The following DMD variants were observed in gnomAD, a reference collection of about 807,000 sequenced individuals.
The protein encoded by DMD is mutant dystrophin.
A neutral mutation model predicts 330.1 loss-of-function variants in DMD; 63 were observed. The ratio of observed to expected loss-of-function variants is 0.19; its 90% confidence interval spans 0.16 to 0.24. The LOEUF is 0.24. Among genes scored for constraint, DMD ranks in the 10% least tolerant of loss-of-function variants. The pLI, the probability that DMD is intolerant of heterozygous loss-of-function variation, is 1.00. For missense variants in DMD, 3,344 were observed against 2,684.1 expected, an observed-to-expected ratio of 1.25 and a Z score of -5.43; for synonymous variants, 1,223 against 959.8, an observed-to-expected ratio of 1.27 and a Z score of -5.07.
At chrX:32,733,250 C>G (rs1300278453) in intron 7 of DMD, among the ~76,000 whole-genome samples, 1 of 110,996 alleles carries the variant, frequency 9.0e-6, no homozygotes, top group Non-Finnish European at 1.9e-5. Context: ...AAGGAGCACC[C>G]AGATTCATAA....
In DMD at chrX:32,751,912, T is replaced by A. The variant is rs768343332; in HGVS notation, c.650-52619A>T. 1.1e-4 allele frequency among the ~76,000 whole-genome samples: 12 copies of A among 112,912 alleles called. No individual in the cohort carries two copies. In the South Asian group the frequency reaches 4.0e-3, roughly 37 times the overall value. On this transcript the variant is annotated intron_variant, in intron 7 of 78. Coordinates refer to ENST00000357033, the MANE Select transcript of DMD (RefSeq NM_004006.3). ...GGCGGAAGCCCAAGCCTTGGCAGCT[T>A]CCACGTCGTGTTGAGCCCGCAGGTG...
chrX:32,705,905 T>A (rs2064586763), intron 7 of DMD, among the ~76,000 whole-genome samples: 1 of 110,443 alleles, frequency 9.1e-6, no homozygotes, highest in Non-Finnish European at 1.9e-5. Flanking sequence ...TAAATCATGC[T>A]GCTATAAAGA....
intron 2 of DMD, among the ~76,000 whole-genome samples, chrX:32,893,139 T>C (rs997415607): frequency 1.1e-4 from 12 of 112,287 alleles, no homozygotes; most frequent in Admixed American, 2.8e-4. Context: ...AAAATTACAC[T>C]GATCGTAGTT....
At chrX:31,362,634 T>G (rs2733474) in intron 60 of DMD, among the ~76,000 whole-genome samples, 4,606 of 112,728 alleles carry the variant, frequency 0.041, 85 homozygotes, top group Non-Finnish European at 0.067. Flanking sequence ...CTTTGTAATA[T>G]ATAATGAAGA....
intron 12 of DMD, among the ~76,000 whole-genome samples, chrX:32,599,175 C>G (rs1189596585): frequency 8.9e-6 from 1 of 111,762 alleles, no homozygotes; most frequent in Non-Finnish European, 1.9e-5. Context: ...ACTTCAAATG[C>G]GAAATAAATA....
chrX:31,336,004 T>C (rs2057385739), intron 61 of DMD, among the ~76,000 whole-genome samples: 1 of 112,847 alleles, frequency 8.9e-6, no homozygotes, highest in Non-Finnish European at 1.9e-5. Flanking sequence ...CAGGTCATTA[T>C]TCCCCTACAC....
At chrX:31,845,425 C>CTCTCTCTCT (rs35394288) in intron 48 of DMD, among the ~76,000 whole-genome samples, 1 of 100,743 alleles carries the variant, frequency 9.9e-6, no homozygotes. Flanking sequence ...CTCTCTCTCT[C>CTCTCTCTCT]CCTCTCCTCC....
chrX:33,026,430 G>GA (rs1285083047), intron 1 of DMD, among the ~76,000 whole-genome samples: 1 of 105,344 alleles, frequency 9.5e-6, no homozygotes, highest in African/African-American at 3.5e-5. Context: ...TCAAACATGA[G>GA]AAAAAAATGA....
At chrX:31,376,804 T>C (rs529752590) in intron 60 of DMD, among the ~76,000 whole-genome samples, 1 of 111,943 alleles carries the variant, frequency 8.9e-6, no homozygotes, top group South Asian at 3.7e-4. Flanking sequence ...GCTTTCCTAG[T>C]GAGGGTGGAT....
chrX:31,135,188 C>G (rs1281561691), intron 76 of DMD, among the ~76,000 whole-genome samples: 1 of 112,395 alleles, frequency 8.9e-6, no homozygotes, highest in Non-Finnish European at 1.9e-5. Context: ...TGCACACTTG[C>G]AGTGCTGTCT....
chrX:31,122,560 A>ATAAT (rs942306372), intron 78 of DMD, among the ~76,000 whole-genome samples: 40 of 111,326 alleles, frequency 3.6e-4, no homozygotes, highest in African/African-American at 1.2e-3. Context: ...GGGTTGAAAA[A>ATAAT]TAATAATAAT....
At chrX:31,515,894 C>T (rs2072141543) in intron 55 of DMD, among the ~76,000 whole-genome samples, 1 of 112,096 alleles carries the variant, frequency 8.9e-6, no homozygotes, top group African/African-American at 3.2e-5. Flanking sequence ...CTTCAAATGA[C>T]CAAATGACTG....
intron 21 of DMD, among the ~76,000 whole-genome samples, chrX:32,484,163 G>T (rs755237814): frequency 9.0e-6 from 1 of 111,148 alleles, no homozygotes; most frequent in Non-Finnish European, 1.9e-5. Context: ...ACACATATAT[G>T]CATGTATATA....
chrX:31,673,352 G>A (rs1279360588), intron 53 of DMD, among the ~76,000 whole-genome samples: 7 of 112,281 alleles, frequency 6.2e-5, no homozygotes, highest in African/African-American at 1.9e-4. Flanking sequence ...GTTGGCTCAC[G>A]CCTGTATCCC....
intron 2 of DMD, among the ~76,000 whole-genome samples, chrX:32,966,718 G>A (rs764559543): frequency 3.6e-5 from 4 of 111,779 alleles, no homozygotes; most frequent in East Asian, 2.8e-4. Flanking sequence ...TGCAGCACCC[G>A]TGGAGGGAAA....
intron 7 of DMD, among the ~76,000 whole-genome samples, chrX:32,716,983 T>C (rs2065799908): frequency 9.0e-6 from 1 of 111,291 alleles, no homozygotes; most frequent in South Asian, 3.8e-4. Flanking sequence ...CGGTCATATG[T>C]ATGAGCAAAG....
At chrX:31,141,717 T>C (rs1030807678) in intron 76 of DMD, among the ~76,000 whole-genome samples, 1 of 111,408 alleles carries the variant, frequency 9.0e-6, no homozygotes, top group Non-Finnish European at 1.9e-5. Flanking sequence ...CAAAGGTTGA[T>C]CATGATTTCA....
At chrX:31,721,263 A>G (rs2085451263) in intron 52 of DMD, among the ~76,000 whole-genome samples, 1 of 111,480 alleles carries the variant, frequency 9.0e-6, no homozygotes, top group Admixed American at 9.6e-5. Flanking sequence ...TGGCTGGGCT[A>G]TGGTTCCCAG....
intron 1 of DMD, among the ~76,000 whole-genome samples, chrX:33,115,851 T>C (rs973899969): frequency 9.1e-6 from 1 of 110,266 alleles, no homozygotes; most frequent in African/African-American, 3.3e-5. Flanking sequence ...TTATACAATA[T>C]TTAAAAACAT....
Sources: gnomAD v4.1 joint callset for allele counts (sites outside exome capture counted in the v4.1 genomes callset) on GRCh38, gnomAD v4.1.1 for gene constraint, MANE v1.5 for transcripts, NCBI Gene and HGNC (gene_info 2026-07-23, HGNC 2026-07-21) for gene names.